The following CUX1 variants were observed in gnomAD, a reference collection of about 807,000 sequenced individuals.
CUX1 encodes the protein cut like homeobox 1.
CUX1 carries 31 observed loss-of-function variants against 158.8 expected under a neutral mutation model. That is an observed-to-expected ratio of 0.20 (90% CI 0.15 to 0.26). The LOEUF (loss-of-function observed/expected upper bound fraction) is 0.26, where lower values mean the gene tolerates loss of function less well. Among genes scored for constraint, CUX1 ranks in the 10% least tolerant of loss-of-function variants. The pLI is 1.00. For synonymous variants in CUX1, 879 were observed against 862.1 expected (o/e 1.02, Z -0.34); for missense variants, 1,589 against 2,014.6 (o/e 0.79, Z 4.04).
intron 2 of CUX1, among the ~76,000 whole-genome samples, chr7:101,982,602 T>A (rs1813577476): frequency 6.6e-6 from 1 of 152,034 alleles, no homozygotes; most frequent in African/African-American, 2.4e-5. Flanking sequence ...AATTTTTGTA[T>A]TTTTAGCAGA....
intron 1 of CUX1, among the ~76,000 whole-genome samples, chr7:101,898,041 G>A (rs922936987): frequency 3.9e-5 from 6 of 152,110 alleles, no homozygotes; most frequent in African/African-American, 1.4e-4. Context: ...AGCCCCGAGG[G>A]GTCAGGGATC....
At chr7:101,853,111 T>C (rs2970458) in intron 1 of CUX1, among the ~76,000 whole-genome samples, 93,885 of 151,996 alleles carry the variant, frequency 0.62, 29,409 homozygotes, top group African/African-American at 0.73. Flanking sequence ...ACCCTAAGAA[T>C]CAGAGCTTTG....
At chr7:102,178,920 G>A (rs1009493697) in intron 11 of CUX1, among the ~76,000 whole-genome samples, 11 of 152,234 alleles carry the variant, frequency 7.2e-5, no homozygotes, top group South Asian at 2.1e-4. Context: ...GCTAGAGCAC[G>A]GTGGTGCAAT....
chr7:102,157,636 C>T (rs1446176275), intron 8 of CUX1, among the ~76,000 whole-genome samples: 5 of 152,046 alleles, frequency 3.3e-5, no homozygotes, highest in South Asian at 2.1e-4. Flanking sequence ...AAAAATTAGC[C>T]GGGCGTGGTG....
intron 3 of CUX1, among the ~76,000 whole-genome samples, chr7:102,042,041 A>AGTGAGTGT (rs1012497111): frequency 6.7e-6 from 1 of 149,110 alleles, no homozygotes; most frequent in African/African-American, 2.4e-5. Flanking sequence ...TGTGAGTGTG[A>AGTGAGTGT]GTGAGTGTGT....
At chr7:102,052,660 G>A (rs904466636) in intron 3 of CUX1, among the ~76,000 whole-genome samples, 4 of 152,166 alleles carry the variant, frequency 2.6e-5, no homozygotes, top group Non-Finnish European at 4.4e-5. Flanking sequence ...CTACCTAGGA[G>A]TAGAATTGCT....
intron 3 of CUX1, among the ~76,000 whole-genome samples, chr7:102,048,565 A>G (rs889589247): frequency 6.6e-6 from 1 of 152,222 alleles, no homozygotes; most frequent in Non-Finnish European, 1.5e-5. Flanking sequence ...ACAATGGCTC[A>G]TGCCTGTAAT....
At chr7:101,885,141 C>T (rs919670173) in intron 1 of CUX1, among the ~76,000 whole-genome samples, 1 of 152,182 alleles carries the variant, frequency 6.6e-6, no homozygotes, top group African/African-American at 2.4e-5. Flanking sequence ...TCTCCTTTGG[C>T]GGGAGTCTGG....
intron 22 of CUX1, among the ~76,000 whole-genome samples, chr7:102,234,972 T>C (rs957927326): frequency 1.6e-4 from 25 of 151,650 alleles, no homozygotes; most frequent in African/African-American, 5.3e-4. Flanking sequence ...TTCAGAGAGG[T>C]TCGGTGCCTC....
intron 1 of CUX1, among the ~76,000 whole-genome samples, chr7:101,860,584 T>TA (rs2131354238): frequency 6.6e-6 from 1 of 152,320 alleles, no homozygotes; most frequent in African/African-American, 2.4e-5. Flanking sequence ...GGCCTGGGGC[T>TA]AGCCACTGCT....
intron 2 of CUX1, among the ~76,000 whole-genome samples, chr7:102,010,173 C>T (rs1445858424): frequency 6.6e-6 from 1 of 152,012 alleles, no homozygotes; most frequent in Non-Finnish European, 1.5e-5. Flanking sequence ...GTGGGCAGAT[C>T]ACCTGAGGTC....
chr7:102,111,367 A>G (rs1198058322), intron 6 of CUX1, among the ~76,000 whole-genome samples: 1 of 152,228 alleles, frequency 6.6e-6, no homozygotes, highest in South Asian at 2.1e-4. Context: ...AACTTCAGAA[A>G]ACAATGAGTG....
At chr7:101,923,584 G>A (rs1204755845) in intron 2 of CUX1, among the ~76,000 whole-genome samples, 1 of 152,220 alleles carries the variant, frequency 6.6e-6, no homozygotes, top group Admixed American at 6.5e-5. Context: ...CTGCGGCTCA[G>A]GGGCCGTCAC....
chr7:101,992,620 G>T (rs981070439), intron 2 of CUX1, among the ~76,000 whole-genome samples: 8 of 152,196 alleles, frequency 5.3e-5, no homozygotes, highest in Non-Finnish European at 8.8e-5. Context: ...TACCCAGAGG[G>T]TGATACTGAT....
intron 2 of CUX1, among the ~76,000 whole-genome samples, chr7:101,931,607 C>G (rs1271298571): frequency 3.9e-5 from 6 of 152,152 alleles, no homozygotes; most frequent in African/African-American, 1.4e-4. Context: ...ACTCTGTCGC[C>G]CAGGCTGGAG....
chr7:101,908,469 T>TGTTTGTTG (rs893055198), intron 1 of CUX1, among the ~76,000 whole-genome samples: 3 of 151,886 alleles, frequency 2.0e-5, no homozygotes, highest in Admixed American at 2.0e-4. Context: ...TTTGTTTGTT[T>TGTTTGTTG]GTTTGTTTGT....
intron 4 of CUX1, among the ~76,000 whole-genome samples, chr7:102,093,570 A>T: frequency 6.6e-6 from 1 of 152,136 alleles, no homozygotes; most frequent in East Asian, 1.9e-4. Context: ...CCTGGGTGAG[A>T]TGCATCCACC....
In CUX1 at chr7:102,123,478, G is replaced by A. The variant is rs532117071; in HGVS notation, c.674+8205G>A. On this transcript the variant is annotated intron_variant, in intron 8 of 23. Transcript: ENST00000292535. ...TAAAAAATGAGCCAGGCGTGGTGGC[G>A]GGTGCCTATAGTCCCAGCTACTCGG... is the stretch of plus-strand genomic sequence containing the variant. 4.6e-5 allele frequency among the ~76,000 whole-genome samples: 7 copies of A among 151,356 alleles called. No homozygotes were observed. In the East Asian group the frequency reaches 9.9e-4, roughly 21 times the overall value.
chr7:102,138,435 T>G (rs1178416812), intron 8 of CUX1, among the ~76,000 whole-genome samples: 1 of 152,162 alleles, frequency 6.6e-6, no homozygotes, highest in Non-Finnish European at 1.5e-5. Flanking sequence ...ACAGCCTAAT[T>G]GACCCTCTGA....
Sources: allele counts gnomAD v4.1 joint callset (sites outside exome capture counted in the v4.1 genomes callset), GRCh38; gene constraint gnomAD v4.1.1; transcripts MANE v1.5; gene names NCBI Gene and HGNC (gene_info 2026-07-23, HGNC 2026-07-21).